SEC61G: variants seen among roughly 807,000 people sequenced by gnomAD.
The protein encoded by SEC61G is protein transport protein Sec61 subunit gamma.
Under a neutral mutation model 7.5 loss-of-function variants are expected in SEC61G, and 4 were observed. The observed-to-expected ratio is 0.54, with a 90% CI of 0.26 to 1.22. SEC61G has a LOEUF of 1.22. SEC61G is among the 50% of genes most tolerant of loss of function. The pLI is 0.12. For missense variants in SEC61G, 53 were observed against 84.6 expected (o/e 0.63, Z 1.46); for synonymous variants, 24 against 24.4 (o/e 0.98, Z 0.05).
At chr7:54,758,890 G>T in intron 1 of SEC61G, 1 of 262,290 alleles carries the variant, frequency 3.8e-6, no homozygotes, top group Non-Finnish European at 7.3e-6. Context: ...CACAGAAGAC[G>T]CCGGGGCAGG....
chr7:54,757,621 T>G, intron 1 of SEC61G, 27 bp from the exon 2 acceptor site: 1 of 1,578,142 alleles, frequency 6.3e-7, no homozygotes, highest in Non-Finnish European at 8.7e-7. Flanking sequence ...AGATACTCAC[T>G]GGTATTGGTT....
At chr7:54,756,209 T>C (rs1033685310) in intron 2 of SEC61G, among the ~76,000 whole-genome samples, 14 of 152,158 alleles carry the variant, frequency 9.2e-5, no homozygotes, top group Admixed American at 7.9e-4. Flanking sequence ...ATGAAAGAAA[T>C]ATACATTATT....
At chr7:54,758,264 C>T (rs997046833) in intron 1 of SEC61G, among the ~76,000 whole-genome samples, 1 of 152,174 alleles carries the variant, frequency 6.6e-6, no homozygotes, top group African/African-American at 2.4e-5. Flanking sequence ...TATATTTTAC[C>T]ATACAGGTTC....
intron 2 of SEC61G, 67 bp from the exon 3 acceptor site, chr7:54,755,948 T>C: frequency 1.2e-6 from 1 of 822,276 alleles, no homozygotes; most frequent in South Asian, 1.8e-5. Flanking sequence ...AAAAAAACTA[T>C]CAGCAACATA....
rs2116346710 is a variant in SEC61G, at chr7:54,756,637, A to T, written c.95-756T>A. Among the ~76,000 whole-genome samples, 2 of 152,284 alleles carry T rather than the reference A, an allele frequency of 1.3e-5. 1 individual carries two copies. The highest frequency in any genetic ancestry group is 4.1e-4 in the South Asian group (2 of 4,826). On this transcript the variant is annotated intron_variant, in intron 2 of 3. Transcript: ENST00000352861. ...CACTGCACTTCAGCCTGGGCAACAGAGTGAGACTCTGTCTGAGTTGAGCAC... is the reference window on the plus strand; with the variant it reads ...CACTGCACTTCAGCCTGGGCAACAGTGTGAGACTCTGTCTGAGTTGAGCAC...
chr7:54,756,065 T>G (rs1165360528), intron 2 of SEC61G, among the ~76,000 whole-genome samples, 184 bp from the exon 3 acceptor site: 1 of 152,212 alleles, frequency 6.6e-6, no homozygotes, highest in Non-Finnish European at 1.5e-5. Flanking sequence ...TTTTAAAATT[T>G]CCATGTTTTG....
At chr7:54,756,948 T>TATATATATACTATATA (rs2116347608) in intron 2 of SEC61G, among the ~76,000 whole-genome samples, 1 of 146,878 alleles carries the variant, frequency 6.8e-6, no homozygotes, top group African/African-American at 2.5e-5. Context: ...TATACTATAC[T>TATATATATACTATATA]ATATATATAC....
At chr7:54,758,570 C>T (rs991516890) in intron 1 of SEC61G, among the ~76,000 whole-genome samples, 5 of 152,214 alleles carry the variant, frequency 3.3e-5, no homozygotes, top group South Asian at 2.1e-4. Flanking sequence ...CTCAGTATTT[C>T]ACTCAACTTT....
chr7:54,758,630 A>C (rs2699215), intron 1 of SEC61G, among the ~76,000 whole-genome samples: 8,027 of 152,302 alleles, frequency 0.053, 252 homozygotes, highest in Middle Eastern at 0.12. Context: ...AGTTGTCACG[A>C]AGGAAGCTAA....
chr7:54,757,892 G>T (rs1013836274), intron 1 of SEC61G, among the ~76,000 whole-genome samples: 5 of 152,180 alleles, frequency 3.3e-5, no homozygotes, highest in Non-Finnish European at 7.4e-5. Flanking sequence ...GTTAAAAAAG[G>T]TTACGCAATT....
intron 1 of SEC61G, among the ~76,000 whole-genome samples, 166 bp from the exon 2 acceptor site, chr7:54,757,760 T>TA: frequency 6.6e-6 from 1 of 152,232 alleles, no homozygotes; most frequent in Non-Finnish European, 1.5e-5. Flanking sequence ...CCTAAATTGA[T>TA]ATTATTTTTG....
chr7:54,757,187 A>T (rs1034420399), intron 2 of SEC61G, among the ~76,000 whole-genome samples: 3 of 151,962 alleles, frequency 2.0e-5, no homozygotes, highest in African/African-American at 7.2e-5. Context: ...GGAGCTGAGT[A>T]GGGAGACTTC....
At chr7:54,752,446 T>A in intron 3 of SEC61G, 26 bp from the exon 4 acceptor site, 1 of 1,410,748 alleles carries the variant, frequency 7.1e-7, no homozygotes, top group East Asian at 2.3e-5. Flanking sequence ...AAATTATTAC[T>A]TCTGAGCATA....
intron 3 of SEC61G, 200 bp downstream of exon 3, chr7:54,755,579 A>G (rs1791497168): frequency 2.7e-6 from 1 of 370,358 alleles, no homozygotes; most frequent in South Asian, 1.3e-4. Flanking sequence ...TAAAGAAAAT[A>G]GTGCCTAGCA....
intron 3 of SEC61G, 42 bp downstream of exon 3, chr7:54,755,737 G>C: frequency 8.8e-7 from 1 of 1,137,790 alleles, no homozygotes; most frequent in Non-Finnish European, 1.3e-6. Context: ...AAATGGTTTT[G>C]AGTTTCATTC....
intron 3 of SEC61G, among the ~76,000 whole-genome samples, chr7:54,752,801 G>T (rs1414168630): frequency 1.3e-5 from 2 of 152,186 alleles, no homozygotes; most frequent in Admixed American, 1.3e-4. Flanking sequence ...AAAACAGACT[G>T]CAGATGAGCA....
At chr7:54,757,019 CAT>C (rs1791534089) in intron 2 of SEC61G, among the ~76,000 whole-genome samples, 2 of 147,514 alleles carry the variant, frequency 1.4e-5, no homozygotes, top group African/African-American at 5.0e-5. Flanking sequence ...ATATTATATA[CAT>C]GTTATATTCT....
intron 2 of SEC61G, 70 bp downstream of exon 2, chr7:54,757,425 A>T: frequency 8.2e-7 from 1 of 1,216,834 alleles, no homozygotes; most frequent in Non-Finnish European, 1.2e-6. Context: ...CTATTAATCA[A>T]GATGTTAATC....
intron 1 of SEC61G, among the ~76,000 whole-genome samples, chr7:54,758,616 T>G (rs1181016334): frequency 1.3e-5 from 2 of 152,230 alleles, no homozygotes; most frequent in Admixed American, 1.3e-4. Flanking sequence ...CTTTTTGTAA[T>G]CATAGTTGTC....
Sources: gnomAD v4.1 joint callset for allele counts (sites outside exome capture counted in the v4.1 genomes callset) on GRCh38, gnomAD v4.1.1 for gene constraint, MANE v1.5 for transcripts, NCBI Gene and HGNC (gene_info 2026-07-23, HGNC 2026-07-21) for gene names.